The following ADCY2 variants were observed in gnomAD, a reference collection of about 807,000 sequenced individuals.
The protein encoded by ADCY2 is adenylate cyclase type 2.
ADCY2 carries 31 observed loss-of-function variants against 125.2 expected under a neutral mutation model. The ratio of observed to expected loss-of-function variants is 0.25; its 90% CI spans 0.19 to 0.33. The LOEUF is 0.33. ADCY2 is among the 10% of genes least tolerant of loss of function. The pLI is 1.00. For synonymous variants in ADCY2, 512 were observed against 548.4 expected, an observed-to-expected ratio of 0.93 and a Z score of 0.93; for missense variants, 904 against 1,418.2, an observed-to-expected ratio of 0.64 and a Z score of 5.82.
chr5:7,554,695 C>T (rs549582697), intron 3 of ADCY2, among the ~76,000 whole-genome samples: 30 of 152,192 alleles, frequency 2.0e-4, no homozygotes, highest in African/African-American at 6.0e-4. Context: ...GGTCTTGGGT[C>T]AAATCTGCCT....
At chr5:7,712,622 C>T (rs1741475005) in intron 10 of ADCY2, among the ~76,000 whole-genome samples, 1 of 152,208 alleles carries the variant, frequency 6.6e-6, no homozygotes, top group African/African-American at 2.4e-5. Context: ...CAACAATCCT[C>T]ATGCTTCTAG....
At chr5:7,654,844 G>A (rs1291471611) in intron 4 of ADCY2, among the ~76,000 whole-genome samples, 1 of 152,140 alleles carries the variant, frequency 6.6e-6, no homozygotes, top group Non-Finnish European at 1.5e-5. Flanking sequence ...AGGACATCTT[G>A]AAATACTGAA....
Position 7,558,836 on chromosome 5 carries a change from A to G in ADCY2, c.570+37937A>G, listed in dbSNP as rs1735619841. Among the ~76,000 whole-genome samples, 3 of 152,166 alleles carry G rather than the reference A, an allele frequency of 2.0e-5. No individual in the cohort carries two copies. In the South Asian group the frequency reaches 6.2e-4, roughly 32 times the overall value. ...TTTGGGTTTTACATTTAAGTCTTTA[A>G]TGCATCTTGAGTTAATTTTTTTGTG... On this transcript the variant is annotated intron_variant, in intron 3 of 24. Coordinates refer to ENST00000338316, the MANE Select transcript of ADCY2 (RefSeq NM_020546.3).
At chr5:7,763,936 G>T (rs184821337) in intron 16 of ADCY2, among the ~76,000 whole-genome samples, 2 of 152,156 alleles carry the variant, frequency 1.3e-5, no homozygotes, top group Non-Finnish European at 2.9e-5. Context: ...GGGTGGATGG[G>T]CTGGTTCATC....
intron 23 of ADCY2, 66 bp from the exon 24 acceptor site, chr5:7,820,499 A>G: frequency 6.3e-7 from 1 of 1,578,656 alleles, no homozygotes; most frequent in Non-Finnish European, 8.6e-7. Flanking sequence ...ATCTCAAAAA[A>G]TAAAAAAAAT....
chr5:7,786,437 T>C (rs1401477702), intron 19 of ADCY2, among the ~76,000 whole-genome samples: 2 of 152,276 alleles, frequency 1.3e-5, no homozygotes, highest in African/African-American at 4.8e-5. Context: ...AATGATAGTA[T>C]ATGCATTTTG....
In ADCY2 at chr5:7,827,898, AC is replaced by A. The variant is rs2126548360; in HGVS notation, c.*1028del. On this transcript the variant is annotated 3_prime_UTR_variant, in exon 25 of 25. Transcript: ENST00000338316. ...AAGAATGTTTTGCTAGAGCTAACAG[AC>A]ATAGACTGCAAAAGAATAATTTGGA... 1 of 152,616 alleles carries A rather than the reference AC, an allele frequency of 6.6e-6. No individual in the cohort carries two copies. The highest frequency in any genetic ancestry group is 1.9e-4 in the East Asian group (1 of 5,316). The allele number at this position is 152,616 out of a possible 1,614,324, so 9.5% of individuals were successfully genotyped here. A position where few individuals can be genotyped will look rare whatever the true frequency, so the allele number is the denominator to read the frequency against.
intron 2 of ADCY2, among the ~76,000 whole-genome samples, chr5:7,502,840 C>T (rs1437863634): frequency 2.6e-5 from 4 of 152,144 alleles, no homozygotes; most frequent in Non-Finnish European, 5.9e-5. Context: ...AGAGCAAAAT[C>T]GTTTCATGTG....
At chr5:7,460,314 G>A (rs898757795) in intron 2 of ADCY2, among the ~76,000 whole-genome samples, 1 of 151,840 alleles carries the variant, frequency 6.6e-6, no homozygotes, top group African/African-American at 2.4e-5. Context: ...CTGTAACCTT[G>A]ACTTCCTGGG....
chr5:7,705,551 C>T (rs960427870), intron 7 of ADCY2, among the ~76,000 whole-genome samples: 2 of 150,230 alleles, frequency 1.3e-5, no homozygotes, highest in Non-Finnish European at 3.0e-5. Flanking sequence ...AAGCAGAGTC[C>T]GGAGGTGGGG....
chr5:7,438,359 A>G (rs957580814), intron 2 of ADCY2, among the ~76,000 whole-genome samples: 1 of 151,958 alleles, frequency 6.6e-6, no homozygotes, highest in African/African-American at 2.4e-5. Flanking sequence ...ACACTCTACC[A>G]GGAGAAGGAG....
At chr5:7,826,612 C>T (rs1392304082) in intron 24 of ADCY2, 107 bp from the exon 25 acceptor site, 1 of 1,446,840 alleles carries the variant, frequency 6.9e-7, no homozygotes, top group East Asian at 2.3e-5. Context: ...GAGTGGAATT[C>T]CTGGGTCAAA....
intron 7 of ADCY2, among the ~76,000 whole-genome samples, chr5:7,702,244 T>TA (rs1276035047): frequency 9.5e-4 from 143 of 150,566 alleles, no homozygotes; most frequent in Non-Finnish European, 1.5e-3. Context: ...TTTTTTTTTT[T>TA]AAACTTTCAG....
At chr5:7,484,753 C>G (rs1455930764) in intron 2 of ADCY2, among the ~76,000 whole-genome samples, 4 of 152,100 alleles carry the variant, frequency 2.6e-5, no homozygotes, top group African/African-American at 4.8e-5. Context: ...TCTCAGCTAC[C>G]CAGCTGTTTT....
At chr5:7,717,259 ATTATCTTT>A (rs749408077) in intron 12 of ADCY2, 22 bp downstream of exon 12, 27 of 1,522,048 alleles carry the variant, frequency 1.8e-5, no homozygotes, top group Non-Finnish European at 2.4e-5. Context: ...TTTCTCTTAA[ATTATCTTT>A]CATCTTTTAT....
At chr5:7,458,681 A>G (rs80316928) in intron 2 of ADCY2, among the ~76,000 whole-genome samples, 2,051 of 152,300 alleles carry the variant, frequency 0.013, 40 homozygotes, top group African/African-American at 0.047. Flanking sequence ...GTTTGATACC[A>G]TACAACACAG....
chr5:7,544,084 A>T (rs375147369), intron 3 of ADCY2, among the ~76,000 whole-genome samples: 2 of 149,904 alleles, frequency 1.3e-5, no homozygotes, highest in Non-Finnish European at 1.5e-5. Context: ...CCTAGCACTT[A>T]ACCCCCATCC....
chr5:7,757,898 A>G (rs1280315263), intron 16 of ADCY2, among the ~76,000 whole-genome samples: 1 of 152,180 alleles, frequency 6.6e-6, no homozygotes, highest in Non-Finnish European at 1.5e-5. Flanking sequence ...TCACAGAGCC[A>G]CCTTGAGAGA....
intron 2 of ADCY2, among the ~76,000 whole-genome samples, chr5:7,439,378 T>C (rs989772249): frequency 6.6e-6 from 1 of 152,000 alleles, no homozygotes; most frequent in African/African-American, 2.4e-5. Context: ...AACCGTCAGC[T>C]CTCATGAGAC....
Sources: gnomAD v4.1 joint callset for allele counts (sites outside exome capture counted in the v4.1 genomes callset) on GRCh38, gnomAD v4.1.1 for gene constraint, MANE v1.5 for transcripts, NCBI Gene and HGNC (gene_info 2026-07-23, HGNC 2026-07-21) for gene names.